The following PTPRM variants were observed in gnomAD, a reference collection of about 807,000 sequenced individuals.
The protein encoded by PTPRM is receptor-type tyrosine-protein phosphatase mu.
In PTPRM, 47 loss-of-function variants were observed where a neutral mutation model predicts 186.7. That is an observed-to-expected ratio of 0.25 (90% CI 0.20 to 0.32). The LOEUF (loss-of-function observed/expected upper bound fraction) is 0.32, where lower values mean the gene tolerates loss of function less well. Among genes scored for constraint, PTPRM ranks in the 10% least tolerant of loss-of-function variants. PTPRM has a pLI of 1.00. For missense variants in PTPRM, 1,494 were observed against 1,865.0 expected (o/e 0.80, Z 3.66); for synonymous variants, 668 against 674.9 (o/e 0.99, Z 0.16).
At chr18:8,221,923 C>T (rs1049911895) in intron 14 of PTPRM, among the ~76,000 whole-genome samples, 1 of 152,142 alleles carries the variant, frequency 6.6e-6, no homozygotes, top group East Asian at 1.9e-4. Flanking sequence ...AGGCAAATAC[C>T]ACACTGTACC....
intron 14 of PTPRM, among the ~76,000 whole-genome samples, chr18:8,243,736 G>A (rs1172041967): frequency 1.3e-5 from 2 of 152,214 alleles, no homozygotes; most frequent in African/African-American, 2.4e-5. Flanking sequence ...ATTAGATTAT[G>A]ATTGTGTTGT....
chr18:8,085,158 G>A (rs1157088721), intron 9 of PTPRM, among the ~76,000 whole-genome samples: 1 of 151,944 alleles, frequency 6.6e-6, no homozygotes, highest in Admixed American at 6.6e-5. Context: ...TCTATTTGTA[G>A]CATCAGGAAT....
At chr18:8,219,132 G>C (rs2094124097) in intron 14 of PTPRM, among the ~76,000 whole-genome samples, 1 of 152,238 alleles carries the variant, frequency 6.6e-6, no homozygotes. Flanking sequence ...TTAGGAACCA[G>C]TGCTCTGTTA....
intron 14 of PTPRM, among the ~76,000 whole-genome samples, chr18:8,186,508 T>C (rs2093644631): frequency 6.6e-6 from 1 of 152,206 alleles, no homozygotes; most frequent in Admixed American, 6.5e-5. Context: ...ATTCCTTTTT[T>C]GACAGAAATG....
At chr18:7,671,318 TCAGGTTG>T (rs2039213628) in intron 1 of PTPRM, among the ~76,000 whole-genome samples, 1 of 152,208 alleles carries the variant, frequency 6.6e-6, no homozygotes, top group Non-Finnish European at 1.5e-5. Context: ...TGAATACTTG[TCAGGTTG>T]CATTTACTGC....
intron 14 of PTPRM, among the ~76,000 whole-genome samples, chr18:8,152,009 T>C (rs2093019684): frequency 1.3e-5 from 2 of 152,148 alleles, no homozygotes; most frequent in African/African-American, 2.4e-5. Context: ...AGTCCCAATT[T>C]GATGAACCAT....
chr18:8,244,571 G>A (rs2094460761), intron 15 of PTPRM, among the ~76,000 whole-genome samples: 1 of 152,182 alleles, frequency 6.6e-6, no homozygotes, highest in African/African-American at 2.4e-5. Context: ...TGGGAAGCCT[G>A]TTATAAAAAC....
intron 11 of PTPRM, among the ~76,000 whole-genome samples, chr18:8,096,697 C>G (rs2091033402): frequency 6.6e-6 from 1 of 152,182 alleles, no homozygotes. Flanking sequence ...ACCCTTGGGT[C>G]TTCTTAATCA....
chr18:7,741,191 G>A (rs2040877289), intron 1 of PTPRM: 1 of 152,172 alleles, frequency 6.6e-6, no homozygotes, highest in Non-Finnish European at 1.5e-5. Flanking sequence ...TTCAAAATGA[G>A]AAACCTTCTG....
chr18:7,891,939 G>A (rs11874593), intron 3 of PTPRM, among the ~76,000 whole-genome samples: 2 of 152,148 alleles, frequency 1.3e-5, no homozygotes, highest in African/African-American at 2.4e-5. Flanking sequence ...GCCTCCAGAG[G>A]TTTTTGTATG....
At chr18:7,632,636 G>A (rs1278968672) in intron 1 of PTPRM, among the ~76,000 whole-genome samples, 1 of 152,178 alleles carries the variant, frequency 6.6e-6, no homozygotes, top group Admixed American at 6.5e-5. Context: ...TTAGGGATGT[G>A]TAAAATTCCA....
chr18:7,728,188 A>G (rs1010681565), intron 1 of PTPRM, among the ~76,000 whole-genome samples: 2 of 152,232 alleles, frequency 1.3e-5, no homozygotes, highest in African/African-American at 4.8e-5. Flanking sequence ...ACAGTATTTC[A>G]GTATGTTTAA....
intron 1 of PTPRM, among the ~76,000 whole-genome samples, chr18:7,652,299 TTGG>T (rs2038729635): frequency 6.6e-6 from 1 of 152,128 alleles, no homozygotes; most frequent in Non-Finnish European, 1.5e-5. Flanking sequence ...TTTTACACTG[TTGG>T]TGGGACTGTA....
At chr18:8,126,233 C>T (rs1006491247) in intron 13 of PTPRM, among the ~76,000 whole-genome samples, 5 of 150,606 alleles carry the variant, frequency 3.3e-5, no homozygotes, top group African/African-American at 1.2e-4. Context: ...TATTGTATAG[C>T]TTTCATTTAT....
chr18:7,703,906 C>T (rs1043021930), intron 1 of PTPRM, among the ~76,000 whole-genome samples: 2 of 152,062 alleles, frequency 1.3e-5, no homozygotes, highest in Admixed American at 1.3e-4. Flanking sequence ...TTATCAAAGG[C>T]TTTTTCTGCA....
intron 32 of PTPRM, among the ~76,000 whole-genome samples, chr18:8,402,346 T>C (rs2095876658): frequency 6.6e-6 from 1 of 152,198 alleles, no homozygotes; most frequent in Admixed American, 6.5e-5. Context: ...GAATTCATTT[T>C]GAAAATTATA....
chr18:7,823,387 CA>C (rs1156289002), intron 2 of PTPRM, among the ~76,000 whole-genome samples: 5 of 152,334 alleles, frequency 3.3e-5, no homozygotes, highest in Middle Eastern at 6.8e-3. Context: ...TGCCCATGGA[CA>C]GGGGTGCCCA....
intron 7 of PTPRM, among the ~76,000 whole-genome samples, chr18:8,034,598 A>C (rs2086205925): frequency 6.6e-6 from 1 of 152,206 alleles, no homozygotes; most frequent in Non-Finnish European, 1.5e-5. Context: ...CCAGCAGATC[A>C]AACTCCATTA....
At chr18:7,699,186 G>A (rs1414174446) in intron 1 of PTPRM, among the ~76,000 whole-genome samples, 1 of 152,156 alleles carries the variant, frequency 6.6e-6, no homozygotes, top group Non-Finnish European at 1.5e-5. Flanking sequence ...ATCTGAGGTG[G>A]AACAGTTTCA....
Sources: allele counts gnomAD v4.1 joint callset (sites outside exome capture counted in the v4.1 genomes callset), GRCh38; gene constraint gnomAD v4.1.1; transcripts MANE v1.5; gene names NCBI Gene and HGNC (gene_info 2026-07-23, HGNC 2026-07-21).